APIP: variants seen among roughly 807,000 people sequenced by gnomAD.
APIP encodes methylthioribulose-1-phosphate dehydratase.
Under a neutral mutation model 32.0 loss-of-function variants are expected in APIP, and 32 were observed. The observed-to-expected ratio is 1.00, with a 90% CI of 0.76 to 1.34. The LOEUF (loss-of-function observed/expected upper bound fraction) is 1.34, where lower values mean the gene tolerates loss of function less well. APIP is among the 40% of genes most tolerant of loss of function. APIP has a pLI of 0.00. For missense variants in APIP, 247 were observed against 298.6 expected (o/e 0.83, Z 1.27); for synonymous variants, 92 against 94.8 (o/e 0.97, Z 0.17).
At position 34,890,600 on chromosome 11, in the gene APIP, T is replaced by C. The variant is rs182773492; in HGVS notation, c.159-48A>G. On this transcript the variant is annotated intron_variant, in intron 2 of 6. Transcript: ENST00000395787. ...TTGGTATTTATTTATTTCCTGCTTT[T>C]GCACAAAGAAAAGTTTGCAGTCCAA... 8.8e-6 allele frequency: 14 copies of C among 1,598,572 alleles called. No individual in the cohort carries two copies. In the African/African-American group the frequency reaches 1.7e-4, roughly 20 times the overall value.
intron 1 of APIP, among the ~76,000 whole-genome samples, chr11:34,904,952 A>G (rs1288335270): frequency 6.6e-6 from 1 of 152,184 alleles, no homozygotes; most frequent in African/African-American, 2.4e-5. Flanking sequence ...TACCTCACCA[A>G]ATACTTCTTG....
chr11:34,890,519 T>C lies in APIP; in HGVS notation c.192A>G (p.Gln64=). ...DEIYIAPSGV[Q]KERIQPEDMF... ...ATTACCATACCTGAATTCGTTCCTT[T>C]TGCACTCCTGAAGGAGCAATGTAGA... Residue 64 remains glutamine, a synonymous_variant, in exon 3 of 7, where the codon CAA becomes CAG. Transcript: ENST00000395787. The C allele has an allele frequency of 6.2e-7, 1 of 1,610,268 alleles. No individual in the cohort carries two copies. The highest frequency in any genetic ancestry group is 8.5e-7 in the Non-Finnish European group (1 of 1,178,060).
intron 1 of APIP, among the ~76,000 whole-genome samples, chr11:34,903,284 T>C (rs1004565887): frequency 2.6e-5 from 4 of 152,234 alleles, no homozygotes; most frequent in Non-Finnish European, 5.9e-5. Flanking sequence ...TCTCCACAGA[T>C]GGGAGCTCTT....
Position 34,888,437 on chromosome 11 carries a change from GGAA to G in APIP, c.326-12_326-10del, listed in dbSNP as rs1853120446. On this transcript the variant is annotated splice_polypyrimidine_tract_variant and intron_variant, in intron 4 of 6. Transcript: ENST00000395787. ...AATCACTGCACCTGCTCCTGAAGGA[GGAA>G]GAAGAAAGCCGCATGCTCAATGAAG... The G allele has an allele frequency of 2.5e-6, 4 of 1,602,966 alleles. No homozygotes were observed. Among genetic ancestry groups the G allele is most frequent in the Admixed American group, 1.7e-5 (1 of 57,272 alleles).
chr11:34,894,998 C>T lies in APIP; in HGVS notation c.158+12G>A, dbSNP rs1853243299. 2 of 1,609,708 alleles carry T rather than the reference C, an allele frequency of 1.2e-6. No homozygotes were observed. Among genetic ancestry groups the T allele is most frequent in the African/African-American group, 2.7e-5 (2 of 74,828 alleles). ...GGAGAGTTCCCAGTAATAAAGGCTGCCAGAAACTTACCCATGCTTCAAGCT... is the reference window on the plus strand; with the variant it reads ...GGAGAGTTCCCAGTAATAAAGGCTGTCAGAAACTTACCCATGCTTCAAGCT... On this transcript the variant is annotated intron_variant, in intron 2 of 6. Transcript: ENST00000395787.
Position 34,883,367 on chromosome 11 carries a change from C to G in APIP, c.599G>C (p.Trp200Ser), listed in dbSNP as rs745603170. Residue 200 changes from tryptophan to serine, a missense_variant, in exon 6 of 7, where the codon TGG (tryptophan) becomes TCG (serine). By Grantham distance (177) the Trp-to-Ser change is radical. Transcript: ENST00000395787. ...TTTGGCCTTCTCCCATGTTTCCCCC[C>G]ACACATATACTCCATGACGTCTGAC... ...VLVRRHGVYV[W>S]GETWEKAKTM... 6.2e-7 allele frequency: 1 copy of G among 1,611,864 alleles called. No individual in the cohort carries two copies. Among genetic ancestry groups the G allele is most frequent in the Non-Finnish European group, 8.5e-7 (1 of 1,179,268 alleles).
chr11:34,886,442 A>T (rs1228169205), intron 5 of APIP, among the ~76,000 whole-genome samples: 2 of 152,176 alleles, frequency 1.3e-5, no homozygotes, highest in African/African-American at 2.4e-5. Flanking sequence ...AAAGTTAAAA[A>T]AAAAAAGTAA....
chr11:34,903,598 G>A (rs918788665), intron 1 of APIP, among the ~76,000 whole-genome samples: 1 of 152,226 alleles, frequency 6.6e-6, no homozygotes, highest in South Asian at 2.1e-4. Context: ...ATAAATAGCA[G>A]TGATGCATTG....
In APIP at chr11:34,888,274, A is replaced by G; in HGVS notation, c.461+19T>C. The G allele has an allele frequency of 6.7e-7, 1 of 1,492,634 alleles. No individual in the cohort carries two copies. Among genetic ancestry groups the G allele is most frequent in the Non-Finnish European group, 8.9e-7 (1 of 1,122,892 alleles). The allele number at this position is 1,492,634 out of a possible 1,614,324, so 92.5% of individuals were successfully genotyped here. ...AAGAATTCTTTTCAAATTATTTAAG[A>G]AAAAGGAAAAAAAAATACCTATAAT... On this transcript the variant is annotated intron_variant, in intron 5 of 6. Coordinates refer to ENST00000395787, the MANE Select transcript of APIP (RefSeq NM_015957.4).
At chr11:34,883,122 T>C (rs1852995921) in intron 6 of APIP, among the ~76,000 whole-genome samples, 1 of 152,210 alleles carries the variant, frequency 6.6e-6, no homozygotes. Context: ...TTTTGTAACT[T>C]GGGATCTGTG....
chr11:34,916,000 A>G, intron 1 of APIP: 1 of 597,372 alleles, frequency 1.7e-6, no homozygotes, highest in Non-Finnish European at 2.9e-6. Flanking sequence ...TTTGGCGCCC[A>G]GCTCCCGCCA....
At chr11:34,903,813 G>C (rs1247074259) in intron 1 of APIP, among the ~76,000 whole-genome samples, 3 of 152,140 alleles carry the variant, frequency 2.0e-5, no homozygotes, top group Non-Finnish European at 4.4e-5. Context: ...ATACCTTTTA[G>C]TCCTCAGGAT....
chr11:34,888,195 C>T lies in APIP; in HGVS notation c.461+98G>A, dbSNP rs11032914. ...GGAGTATTATTTAACACAGATCCCACGACATCTCATTATATGCATAAAATG... is the reference window on the plus strand; with the variant it reads ...GGAGTATTATTTAACACAGATCCCATGACATCTCATTATATGCATAAAATG... On this transcript the variant is annotated intron_variant, in intron 5 of 6. Coordinates refer to ENST00000395787, the MANE Select transcript of APIP (RefSeq NM_015957.4). 3,450 of 1,146,626 alleles carry T rather than the reference C, an allele frequency of 3.0e-3. 71 individuals carry two copies. In the African/African-American group the frequency reaches 0.044, roughly 15 times the overall value. The allele number at this position is 1,146,626 out of a possible 1,614,324, so 71.0% of individuals were successfully genotyped here.
intron 2 of APIP, among the ~76,000 whole-genome samples, chr11:34,891,467 C>A (rs887041248): frequency 2.0e-5 from 3 of 152,118 alleles, no homozygotes; most frequent in African/African-American, 4.8e-5. Context: ...CCAGTACCTG[C>A]ATGCTCTAGT....
chr11:34,883,563 A>T, intron 5 of APIP, 59 bp from the exon 6 acceptor site: 2 of 1,520,240 alleles, frequency 1.3e-6, no homozygotes, highest in East Asian at 2.3e-5. Context: ...TGATATGTAT[A>T]CAACATGTAA....
rs568930892 is a variant in APIP, at chr11:34,912,806, G to A, written c.57+3422C>T. Among the ~76,000 whole-genome samples the A allele has an allele frequency of 9.9e-5, 15 of 152,248 alleles. No homozygotes were observed. The South Asian group carries it at 2.7e-3, about 27-fold the overall frequency. On this transcript the variant is annotated intron_variant, in intron 1 of 6. Coordinates refer to ENST00000395787, the MANE Select transcript of APIP (RefSeq NM_015957.4). ...GCCTATTGCGGGATCTTGGGTTCAC[G>A]TGAGTTAATGCTTAATAAACTTCCC...
At chr11:34,887,096 A>G (rs537684509) in intron 5 of APIP, among the ~76,000 whole-genome samples, 14 of 152,196 alleles carry the variant, frequency 9.2e-5, no homozygotes, top group African/African-American at 3.1e-4. Flanking sequence ...ATAAAATAAC[A>G]CTGCCTCCTG....
At chr11:34,902,786 A>G (rs1318960822) in intron 1 of APIP, among the ~76,000 whole-genome samples, 1 of 152,086 alleles carries the variant, frequency 6.6e-6, no homozygotes, top group Non-Finnish European at 1.5e-5. Context: ...AAGGCCTTCA[A>G]TCTGTATGTG....
rs527856798 is a variant in APIP, at chr11:34,915,801, C to T, written c.57+427G>A. The T allele has an allele frequency of 2.3e-5, 5 of 219,824 alleles. No individual in the cohort carries two copies. The South Asian group carries it at 3.7e-4, about 16-fold the overall frequency. 13.6% of individuals were successfully genotyped at this position (219,824 alleles called of 1,614,324 possible). On this transcript the variant is annotated intron_variant, in intron 1 of 6. Coordinates refer to ENST00000395787, the MANE Select transcript of APIP (RefSeq NM_015957.4). The stretch of plus-strand genomic sequence containing the variant: ...CAGCTCCGGTTCGGCAAACGTCTCC[C>T]GAGTGCCAAACGTCCCCCCAAACGC...
Sources: gnomAD v4.1 joint callset for allele counts (sites outside exome capture counted in the v4.1 genomes callset) on GRCh38, gnomAD v4.1.1 for gene constraint, MANE v1.5 for transcripts, NCBI Gene and HGNC (gene_info 2026-07-23, HGNC 2026-07-21) for gene names.